Variants in GREP1 observed in about 807,000 individuals in gnomAD.
GREP1 encodes the protein glycine rich extracellular protein 1.
intron 23 of GREP1, 72 bp from the exon 22 acceptor site, chr16:2,998,284 G>A (rs2072437543): frequency 2.5e-6 from 1 of 398,914 alleles, no homozygotes. Context: ...GGGATCAGCA[G>A]GGGAGAGAGG....
intron 33 of GREP1, among the ~76,000 whole-genome samples, 157 bp downstream of exon 27, chr16:3,000,984 GGCAGGAAGGA>G (rs1355060171): frequency 1.3e-5 from 2 of 152,128 alleles, no homozygotes; most frequent in East Asian, 3.9e-4. Flanking sequence ...GGAGGGCATA[GGCAGGAAGGA>G]GCAGGAAGGA....
At chr16:2,988,379 G>A in intron 1 of GREP1, 39 bp downstream of exon 1, 1 of 399,166 alleles carries the variant, frequency 2.5e-6, no homozygotes, top group Non-Finnish European at 4.4e-6. Context: ...TGGAGAATGG[G>A]CATCTGTGAC....
intron 25 of GREP1, 143 bp downstream of exon 23, chr16:2,998,666 C>G (rs1481682191): frequency 7.5e-6 from 3 of 398,074 alleles, no homozygotes; most frequent in Non-Finnish European, 1.3e-5. Flanking sequence ...CAGGTCCCCC[C>G]AGGAGAGTGT....
chr16:2,989,202 C>T lies in GREP1; in HGVS notation c.101-321C>T, dbSNP rs1408971640. On this transcript the variant is annotated intron_variant, in intron 2 of 34. Transcript: ENST00000573315. This position sits in a 1 kb window ranked among gnomAD's most constrained non-coding sequence, Gnocchi z 4.2. ...GGAGTGGGCTCTGCCCCACAGTCCC[C>T]CAGAGCCCTGGCTCAGACACCTTCC... 2.9e-6 allele frequency: 1 copy of T among 349,000 alleles called. No individual in the cohort carries two copies. Among genetic ancestry groups the T allele is most frequent in the Non-Finnish European group, 5.1e-6 (1 of 194,862 alleles). 21.6% of individuals were successfully genotyped at this position (349,000 alleles called of 1,614,324 possible). A position where few individuals can be genotyped will look rare whatever the true frequency, so the allele number is the denominator to read the frequency against.
intron 10 of GREP1, 85 bp downstream of exon 11, chr16:2,993,048 C>G (rs2072406930): frequency 2.5e-6 from 1 of 397,756 alleles, no homozygotes; most frequent in Non-Finnish European, 4.4e-6. Context: ...TCCCCATTCT[C>G]TTTGGCTCTG....
At position 2,991,473 on chromosome 16, in the gene GREP1, G is replaced by A. The variant is rs892754358; in HGVS notation, c.322+372G>A. 4 of 202,408 alleles carry A rather than the reference G, an allele frequency of 2.0e-5. No homozygotes were observed. The highest frequency in any genetic ancestry group is 4.6e-5 in the African/African-American group (2 of 43,318). 12.5% of individuals were successfully genotyped at this position (202,408 alleles called of 1,614,324 possible). A position where few individuals can be genotyped will look rare whatever the true frequency, so the allele number is the denominator to read the frequency against. ...CTGGGCAGGGGCCGCAGGGAGGGGC[G>A]GGCAGGAGGGTTTAGGGTCCCAACC... On this transcript the variant is annotated intron_variant, in intron 8 of 34. Coordinates refer to ENST00000573315, the Ensembl canonical transcript of GREP1. The surrounding 1 kb of genome is among the most constrained non-coding windows in gnomAD (Gnocchi z 4.9).
exon 21 of GREP1, chr16:2,997,018 T>C (rs1001128520): frequency 5.5e-5 from 22 of 398,956 alleles, no homozygotes; most frequent in African/African-American, 4.3e-4. Context: ...AGCGGAGGCC[T>C]TGGGTCCCTC....
chr16:2,992,757 C>G lies in GREP1; in HGVS notation c.323-48C>G. ...GAGGGCAGGGCTCCAGGCCCCAGCT[C>G]ATCCCCACTGCACCACCTTCCACAC... On this transcript the variant is annotated intron_variant, in intron 8 of 34. Coordinates refer to ENST00000573315, the Ensembl canonical transcript of GREP1. The surrounding 1 kb of genome is among the most constrained non-coding windows in gnomAD (Gnocchi z 4.9). 1 of 399,254 alleles carries G rather than the reference C, an allele frequency of 2.5e-6. No homozygotes were observed. The allele number at this position is 399,254 out of a possible 1,614,324, so 24.7% of individuals were successfully genotyped here.
At chr16:2,990,935 C>T (rs1471696583) in intron 7 of GREP1, 113 bp from the exon 7 acceptor site, 2 of 398,772 alleles carry the variant, frequency 5.0e-6, no homozygotes, top group Admixed American at 4.4e-5. Context: ...CCCCAGAAGC[C>T]AGAGGCGAGG....
At chr16:3,001,676 T>C (rs1471443734) in exon 35 of GREP1, 2 of 398,986 alleles carry the variant, frequency 5.0e-6, no homozygotes, top group East Asian at 7.1e-5. Flanking sequence ...TCCTCCATGC[T>C]AGAACCACAA....
chr16:2,994,403 G>T (rs2072413979), intron 10 of GREP1: 4 of 228,066 alleles, frequency 1.8e-5, no homozygotes, highest in Non-Finnish European at 3.4e-5. Context: ...CAGCTCCTCA[G>T]GAGACTGAGG....
At position 2,994,689 on chromosome 16, in the gene GREP1, C is replaced by T. The variant is rs2072415580; in HGVS notation, c.386-9C>T. ...TCCGGAGGGCCTTAACCCTTTCTCTCCTCCACAGGCCCCACCACTCAAAAT... is the reference window on the plus strand; with the variant it reads ...TCCGGAGGGCCTTAACCCTTTCTCTTCTCCACAGGCCCCACCACTCAAAAT... On this transcript the variant is annotated splice_polypyrimidine_tract_variant and intron_variant, in intron 10 of 34. Coordinates refer to ENST00000573315, the Ensembl canonical transcript of GREP1. 2.5e-6 allele frequency: 1 copy of T among 399,056 alleles called. No homozygotes were observed. The highest frequency in any genetic ancestry group is 4.4e-6 in the Non-Finnish European group (1 of 226,084). 24.7% of individuals were successfully genotyped at this position (399,056 alleles called of 1,614,324 possible).
chr16:2,990,691 G>T (rs1191615067), intron 7 of GREP1, 104 bp downstream of exon 6: 3 of 397,718 alleles, frequency 7.5e-6, no homozygotes, highest in Non-Finnish European at 8.9e-6. Context: ...TGTTTCCAGG[G>T]TCTTCTCCAG....
intron 30 of GREP1, chr16:3,000,370 G>A (rs890735719): frequency 2.5e-6 from 1 of 399,096 alleles, no homozygotes; most frequent in Non-Finnish European, 4.4e-6. Context: ...TGGGGAGCAG[G>A]GGTCGGGGTG....
In GREP1 at chr16:2,992,860, G is replaced by T; in HGVS notation, c.352+26G>T. 7.5e-6 allele frequency: 3 copies of T among 399,134 alleles called. No homozygotes were observed. The highest frequency in any genetic ancestry group is 1.3e-5 in the Non-Finnish European group (3 of 226,102). The allele number at this position is 399,134 out of a possible 1,614,324, so 24.7% of individuals were successfully genotyped here. A position where few individuals can be genotyped will look rare whatever the true frequency, so the allele number is the denominator to read the frequency against. ...GTAAAGAGGGTGGGGACGGAAGCGGGGAGCCTGGGGCTGAGATTCTGGGCA... is the reference window on the plus strand; with the variant it reads ...GTAAAGAGGGTGGGGACGGAAGCGGTGAGCCTGGGGCTGAGATTCTGGGCA... On this transcript the variant is annotated intron_variant, in intron 9 of 34. Coordinates refer to ENST00000573315, the Ensembl canonical transcript of GREP1. The surrounding 1 kb of genome is among the most constrained non-coding windows in gnomAD (Gnocchi z 4.9).
At chr16:2,998,265 G>C in intron 23 of GREP1, 91 bp from the exon 22 acceptor site, 1 of 398,440 alleles carries the variant, frequency 2.5e-6, no homozygotes, top group Non-Finnish European at 4.4e-6. Flanking sequence ...GTGAAAAGAC[G>C]GGGCTAGGGG....
rs538659751 is a variant in GREP1, at chr16:2,999,349, T to G, written c.1189+49T>G. The G allele has an allele frequency of 7.8e-5, 31 of 398,584 alleles. 1 individual carries two copies. In the Admixed American group the frequency reaches 8.4e-4, roughly 11 times the overall value. 24.7% of individuals were successfully genotyped at this position (398,584 alleles called of 1,614,324 possible). A position where few individuals can be genotyped will look rare whatever the true frequency, so the allele number is the denominator to read the frequency against. On this transcript the variant is annotated intron_variant, in intron 27 of 34. Coordinates refer to ENST00000573315, the Ensembl canonical transcript of GREP1. ...CCCCACATCCCAGAGGGACAAACTC[T>G]CAGCTAGGTCTATCCTCTGTCTCCA...
chr16:2,995,751 A>C (rs968611956), exon 17 of GREP1: 6 of 398,482 alleles, frequency 1.5e-5, no homozygotes, highest in East Asian at 7.1e-5. Flanking sequence ...CTTGGAGGGA[A>C]TGTGAAGCCT....
exon 35 of GREP1, chr16:3,001,619 A>T: frequency 2.5e-6 from 1 of 399,132 alleles, no homozygotes; most frequent in Non-Finnish European, 4.4e-6. Context: ...CCCAGCAAGG[A>T]AGACAGACCC....
Sources: allele counts gnomAD v4.1 joint callset (sites outside exome capture counted in the v4.1 genomes callset), GRCh38; gene constraint gnomAD v4.1.1; non-coding constraint Gnocchi (gnomAD v3.1); transcripts MANE v1.5; gene names NCBI Gene and HGNC (gene_info 2026-07-23, HGNC 2026-07-21).